The following PSEN1 variants were observed in gnomAD, a reference collection of about 807,000 sequenced individuals.
The protein encoded by PSEN1 is presenilin 1.
Under a neutral mutation model 53.5 loss-of-function variants are expected in PSEN1, and 15 were observed. That is an observed-to-expected ratio of 0.28 (90% CI 0.19 to 0.43). The LOEUF (loss-of-function observed/expected upper bound fraction) is 0.43. Among genes scored for constraint, PSEN1 ranks in the 20% least tolerant of loss-of-function variants. The pLI is 1.00. For missense variants in PSEN1, 387 were observed against 571.2 expected (o/e 0.68, Z 3.29); for synonymous variants, 208 against 209.8 (o/e 0.99, Z 0.08).
chr14:73,164,612 C>T (rs1307202964), intron 3 of PSEN1, among the ~76,000 whole-genome samples: 2 of 152,130 alleles, frequency 1.3e-5, no homozygotes, highest in South Asian at 2.1e-4. Context: ...TTAAATAACT[C>T]GCCCCAAATC....
chr14:73,143,122 G>A (rs1896972140), intron 1 of PSEN1, among the ~76,000 whole-genome samples: 1 of 152,282 alleles, frequency 6.6e-6, no homozygotes, highest in South Asian at 2.1e-4. Context: ...GTCATTGACC[G>A]CCATGCAATC....
intron 6 of PSEN1, among the ~76,000 whole-genome samples, chr14:73,188,465 G>A (rs765853639): frequency 5.9e-5 from 9 of 152,058 alleles, no homozygotes; most frequent in Non-Finnish European, 1.2e-4. Context: ...ACCAACCTGC[G>A]CAACATAACA....
At chr14:73,207,112 T>C (rs886768130) in intron 9 of PSEN1, among the ~76,000 whole-genome samples, 12 of 151,608 alleles carry the variant, frequency 7.9e-5, no homozygotes, top group African/African-American at 2.7e-4. Context: ...AGCTAAGGAG[T>C]TCCGGATTAC....
In PSEN1 at chr14:73,222,442, A is replaced by G. The variant is rs954589729; in HGVS notation, c.*3153A>G. Reference sequence around the variant, plus strand: ...CTCGATATAACTTGTAGAGTGTGAAATATAAGTTTAACTACCAAATAAGGT... The same window carrying G: ...CTCGATATAACTTGTAGAGTGTGAAGTATAAGTTTAACTACCAAATAAGGT... On this transcript the variant is annotated 3_prime_UTR_variant, in exon 12 of 12. Transcript: ENST00000324501. 3 of 152,206 alleles carry G rather than the reference A, an allele frequency of 2.0e-5. No individual in the cohort carries two copies. The highest frequency in any genetic ancestry group is 1.9e-4 in the East Asian group (1 of 5,202). The allele number at this position is 152,206 out of a possible 1,614,324, so 9.4% of individuals were successfully genotyped here.
intron 3 of PSEN1, among the ~76,000 whole-genome samples, chr14:73,164,270 T>A (rs552050128): frequency 1.3e-5 from 2 of 152,204 alleles, no homozygotes; most frequent in African/African-American, 4.8e-5. Context: ...CTAGGAGAGG[T>A]CAGAGATGGA....
rs947131006 is a variant in PSEN1 at position 73,222,717 on chromosome 14, A to G, written c.*3428A>G. 2.6e-5 allele frequency: 4 copies of G among 152,236 alleles called. No individual in the cohort carries two copies. The highest frequency in any genetic ancestry group is 7.2e-5 in the African/African-American group (3 of 41,454). 9.4% of individuals were successfully genotyped at this position (152,236 alleles called of 1,614,324 possible). The stretch of plus-strand genomic sequence containing the variant: ...GCCATCTTTCTTTAACTTCTCTAAA[A>G]TATTGGGTATTTGTCAAATAACCAC... On this transcript the variant is annotated 3_prime_UTR_variant, in exon 12 of 12. Coordinates refer to ENST00000324501, the MANE Select transcript of PSEN1 (RefSeq NM_000021.4).
At chr14:73,194,077 T>A (rs1898836910) in intron 7 of PSEN1, among the ~76,000 whole-genome samples, 1 of 152,214 alleles carries the variant, frequency 6.6e-6, no homozygotes, top group South Asian at 2.1e-4. Flanking sequence ...TAACCACCAG[T>A]GTGACATGGG....
chr14:73,211,743 G>C (rs767032985), intron 9 of PSEN1, 26 bp from the exon 10 acceptor site: 1 of 1,613,226 alleles, frequency 6.2e-7, no homozygotes, highest in African/African-American at 1.3e-5. Flanking sequence ...AAATATTAGA[G>C]CTGTAACTTC....
intron 7 of PSEN1, among the ~76,000 whole-genome samples, chr14:73,193,138 C>T (rs527508398): frequency 8.6e-5 from 13 of 152,028 alleles, no homozygotes; most frequent in South Asian, 2.1e-4. Context: ...GGCAAAACCT[C>T]GTATCTACAG....
rs977098216 is a variant in PSEN1, at chr14:73,219,547, G to A, written c.*258G>A. 1.1e-5 allele frequency: 5 copies of A among 474,536 alleles called. No individual in the cohort carries two copies. The highest frequency in any genetic ancestry group is 1.9e-5 in the Non-Finnish European group (5 of 258,554). 29.4% of individuals were successfully genotyped at this position (474,536 alleles called of 1,614,324 possible). A position where few individuals can be genotyped will look rare whatever the true frequency, so the allele number is the denominator to read the frequency against. ...GCAGAAACTACCAGATTTGAGGGAC[G>A]AGGTCAAGGAGATATGATAGGCCCG... On this transcript the variant is annotated 3_prime_UTR_variant, in exon 12 of 12. Transcript: ENST00000324501.
At chr14:73,184,604 G>A (rs1414898272) in intron 5 of PSEN1, among the ~76,000 whole-genome samples, 1 of 116,976 alleles carries the variant, frequency 8.5e-6, no homozygotes, top group Admixed American at 8.8e-5. Context: ...GGGCAGAGGC[G>A]CCCCTCACCT....
At chr14:73,194,655 G>A (rs957545076) in intron 7 of PSEN1, among the ~76,000 whole-genome samples, 2 of 146,928 alleles carry the variant, frequency 1.4e-5, no homozygotes, top group Admixed American at 7.1e-5. Context: ...TGCAAGCTTC[G>A]CCTCCCAGGT....
intron 3 of PSEN1, among the ~76,000 whole-genome samples, chr14:73,161,907 C>G (rs1897550707): frequency 3.3e-5 from 5 of 150,158 alleles, no homozygotes; most frequent in Non-Finnish European, 7.4e-5. Flanking sequence ...GTAATCCCAG[C>G]ACTTTGGGAG....
At chr14:73,140,911 G>T (rs545838429) in intron 1 of PSEN1, among the ~76,000 whole-genome samples, 1 of 152,314 alleles carries the variant, frequency 6.6e-6, no homozygotes, top group East Asian at 1.9e-4. Flanking sequence ...CTGCTTCCTT[G>T]TAGGTAGATG....
intron 3 of PSEN1, among the ~76,000 whole-genome samples, chr14:73,160,334 A>G (rs1897492171): frequency 6.6e-6 from 1 of 152,262 alleles, no homozygotes; most frequent in Non-Finnish European, 1.5e-5. Context: ...TATACTGAAT[A>G]ATGCTATGGT....
rs780414593 is a variant in PSEN1 at position 73,206,480 on chromosome 14, AC to A, written c.955+9del. ...CCAAGTATAATGCAGAAAGTAGGTA[AC>A]TTTTATTAGATAATATCTTGATTTT... On this transcript the variant is annotated intron_variant, in intron 9 of 11. Coordinates refer to ENST00000324501, the MANE Select transcript of PSEN1 (RefSeq NM_000021.4). 2 of 1,587,098 alleles carry A rather than the reference AC, an allele frequency of 1.3e-6. No homozygotes were observed. Among genetic ancestry groups the A allele is most frequent in the East Asian group, 4.5e-5 (2 of 44,710 alleles).
chr14:73,138,757 G>A (rs1260966390), intron 1 of PSEN1, among the ~76,000 whole-genome samples: 2 of 148,080 alleles, frequency 1.4e-5, no homozygotes, highest in Non-Finnish European at 3.0e-5. Context: ...TCAGGAGATC[G>A]AGACATCCTG....
chr14:73,153,178 G>T (rs1000892739), intron 3 of PSEN1, among the ~76,000 whole-genome samples: 12 of 152,210 alleles, frequency 7.9e-5, no homozygotes, highest in Non-Finnish European at 1.2e-4. Flanking sequence ...TGACAGTGTT[G>T]TTGTATCATT....
chr14:73,199,125 A>G (rs1055366085), intron 8 of PSEN1, among the ~76,000 whole-genome samples: 3 of 152,200 alleles, frequency 2.0e-5, no homozygotes, highest in Non-Finnish European at 2.9e-5. Context: ...TCTGTGGCTC[A>G]TATCTAATTT....
Sources: allele counts gnomAD v4.1 joint callset (sites outside exome capture counted in the v4.1 genomes callset), GRCh38; gene constraint gnomAD v4.1.1; transcripts MANE v1.5; gene names NCBI Gene and HGNC (gene_info 2026-07-23, HGNC 2026-07-21).